Variants in SCOC observed in about 807,000 individuals in gnomAD.
The protein encoded by SCOC is short coiled-coil protein.
Under a neutral mutation model 9.9 loss-of-function variants are expected in SCOC, and 7 were observed. The observed-to-expected ratio is 0.71, with a 90% confidence interval of 0.40 to 1.33. The LOEUF (loss-of-function observed/expected upper bound fraction) is 1.33. SCOC is among the 40% of genes most tolerant of loss of function. The pLI is 0.01. For synonymous variants in SCOC, 19 were observed against 28.2 expected (o/e 0.67, Z 1.03); for missense variants, 66 against 89.7 (o/e 0.74, Z 1.07).
chr4:140,283,556 C>A (rs536198169), intron 1 of SCOC, among the ~76,000 whole-genome samples: 24 of 152,074 alleles, frequency 1.6e-4, no homozygotes, highest in Non-Finnish European at 3.2e-4. Flanking sequence ...ATCTGTAAAT[C>A]AAAACAATCT....
chr4:140,350,233 C>T (rs1348269190), intron 2 of SCOC, among the ~76,000 whole-genome samples: 1 of 149,838 alleles, frequency 6.7e-6, no homozygotes, highest in Non-Finnish European at 1.5e-5. Context: ...GAACCCCTAA[C>T]TTATCTCTGT....
Position 140,376,499 on chromosome 4 carries a change from C to T in SCOC, c.-50-2622C>T, listed in dbSNP as rs117417491. On this transcript the variant is annotated intron_variant, in intron 1 of 3. Coordinates refer to ENST00000608372, the MANE Select transcript of SCOC (RefSeq NM_001153484.2). ...GTGCAACACTTGGGATGCAATCTTA[C>T]GTAGACTGTGGTGTGAATTGTGCTC... 11 of 152,306 alleles carry T rather than the reference C, an allele frequency of 7.2e-5. No homozygotes were observed. The East Asian group carries it at 2.1e-3, about 29-fold the overall frequency. 9.4% of individuals were successfully genotyped at this position (152,306 alleles called of 1,614,324 possible).
upstream of SCOC, among the ~76,000 whole-genome samples, chr4:140,371,975 A>G (rs943786474): frequency 3.3e-5 from 5 of 152,252 alleles, no homozygotes; most frequent in African/African-American, 1.2e-4. Context: ...ACATGGATGA[A>G]CTCTGAGGCA....
chr4:140,283,994 G>A (rs372288144), intron 1 of SCOC: 1 of 152,166 alleles, frequency 6.6e-6, no homozygotes, highest in East Asian at 1.9e-4. Context: ...TGTACTTGAA[G>A]TGAGATTAAC....
At chr4:140,375,740 T>G (rs1188425646) in intron 1 of SCOC, among the ~76,000 whole-genome samples, 1 of 152,210 alleles carries the variant, frequency 6.6e-6, no homozygotes, top group Non-Finnish European at 1.5e-5. Flanking sequence ...ATCAAAAAAG[T>G]AATTCTAGAT....
At chr4:140,310,494 A>G (rs1008860302) in intron 1 of SCOC, among the ~76,000 whole-genome samples, 3 of 152,178 alleles carry the variant, frequency 2.0e-5, no homozygotes, top group African/African-American at 7.2e-5. Context: ...CTTTCGCTCT[A>G]TGTGCAATGT....
rs1728585906 is a variant in SCOC at position 140,381,964 on chromosome 4, A to G, written c.*860A>G. On this transcript the variant is annotated 3_prime_UTR_variant, in exon 4 of 4. Coordinates refer to ENST00000608372, the MANE Select transcript of SCOC (RefSeq NM_001153484.2). ...ACTCCAGATTTGTGTTTTCTCTGGC[A>G]CAGAGTAGATCTTTTGGGAAATATA... 1 of 152,220 alleles carries G rather than the reference A, an allele frequency of 6.6e-6. No homozygotes were observed. The highest frequency in any genetic ancestry group is 1.5e-5 in the Non-Finnish European group (1 of 68,028). The allele number at this position is 152,220 out of a possible 1,614,324, so 9.4% of individuals were successfully genotyped here.
intron 2 of SCOC, among the ~76,000 whole-genome samples, chr4:140,367,774 A>G (rs1727865899): frequency 6.6e-6 from 1 of 152,212 alleles, no homozygotes; most frequent in East Asian, 1.9e-4. Flanking sequence ...AGAATCACAA[A>G]ATCACAAAAG....
chr4:140,360,266 C>T (rs1727404939), intron 2 of SCOC, among the ~76,000 whole-genome samples: 2 of 152,112 alleles, frequency 1.3e-5, no homozygotes, highest in Admixed American at 1.3e-4. Context: ...ACCAATTTTG[C>T]CACTAGAGGT....
intron 1 of SCOC, among the ~76,000 whole-genome samples, chr4:140,302,728 A>T (rs1731846142): frequency 6.6e-6 from 1 of 152,258 alleles, no homozygotes; most frequent in African/African-American, 2.4e-5. Context: ...CATTCAGAAG[A>T]GACCAAAGTG....
At chr4:140,368,217 C>T (rs1270394308) in intron 2 of SCOC, among the ~76,000 whole-genome samples, 2 of 152,180 alleles carry the variant, frequency 1.3e-5, no homozygotes, top group African/African-American at 2.4e-5. Flanking sequence ...ATGCTTGTCA[C>T]GTTGTTGGTA....
intron 1 of SCOC, among the ~76,000 whole-genome samples, chr4:140,297,531 G>T (rs773131061): frequency 1.3e-5 from 2 of 151,984 alleles, no homozygotes. Context: ...ATTCTCTCCT[G>T]CCCTCCCACA....
rs2126418887 is a variant in SCOC at position 140,283,345 on chromosome 4, A to AT, written c.-19+25936dup. Among the ~76,000 whole-genome samples, 2 of 152,342 alleles carry AT rather than the reference A, an allele frequency of 1.3e-5. 1 individual carries two copies. Among genetic ancestry groups the AT allele is most frequent in the Non-Finnish European group, 2.9e-5 (2 of 68,026 alleles). On this transcript the variant is annotated intron_variant, in intron 1 of 4. Coordinates refer to the SCOC transcript ENST00000394205. ...CTACATCACCTCTCCCAGCGAGGGT[A>AT]TGACTGGTGTTACTGGTGGGAGTTA...
chr4:140,359,202 C>T (rs1727359054), intron 2 of SCOC, among the ~76,000 whole-genome samples: 1 of 152,140 alleles, frequency 6.6e-6, no homozygotes, highest in Non-Finnish European at 1.5e-5. Flanking sequence ...CAGCTACAGT[C>T]AGATGTGGGT....
intron 1 of SCOC, among the ~76,000 whole-genome samples, chr4:140,314,960 C>T (rs1468116227): frequency 3.9e-5 from 6 of 152,172 alleles, no homozygotes; most frequent in Admixed American, 3.3e-4. Context: ...CCCCCAACCA[C>T]CAAATTTGGG....
chr4:140,369,983 G>A (rs6830871), upstream of SCOC, among the ~76,000 whole-genome samples: 144,977 of 151,000 alleles, frequency 0.96, 69,614 homozygotes, highest in East Asian at 0.99. Flanking sequence ...GGTTCAAGCA[G>A]TTCTCCTGCT....
intron 2 of SCOC, chr4:140,362,709 C>T (rs772344293): frequency 5.9e-5 from 9 of 152,152 alleles, no homozygotes; most frequent in Non-Finnish European, 1.2e-4. Context: ...TGGCCACTGA[C>T]TTCTACTGAT....
At chr4:140,291,636 C>T (rs1731475382) in intron 1 of SCOC, 1 of 400,294 alleles carries the variant, frequency 2.5e-6, no homozygotes, top group East Asian at 7.3e-5. Context: ...TACCATGTAC[C>T]TGACGCTTAT....
chr4:140,340,563 T>A (rs1484152403), upstream of SCOC, among the ~76,000 whole-genome samples: 1 of 151,938 alleles, frequency 6.6e-6, no homozygotes, highest in Non-Finnish European at 1.5e-5. Context: ...TGAAGCTGCA[T>A]CCCTACCTCT....
Sources: gnomAD v4.1 joint callset for allele counts (sites outside exome capture counted in the v4.1 genomes callset) on GRCh38, gnomAD v4.1.1 for gene constraint, MANE v1.5 for transcripts, NCBI Gene and HGNC (gene_info 2026-07-23, HGNC 2026-07-21) for gene names.